RANBP2: variants seen among roughly 807,000 people sequenced by gnomAD.
RANBP2 encodes the protein RAN binding protein 2, also known as E3 SUMO-protein ligase RanBP2.
A neutral mutation model predicts 303.6 loss-of-function variants in RANBP2; 57 were observed. The observed-to-expected ratio is 0.19, with a 90% CI of 0.15 to 0.23. The LOEUF is 0.23. Among genes scored for constraint, RANBP2 ranks in the 10% least tolerant of loss-of-function variants. The pLI, the probability that RANBP2 is intolerant of heterozygous loss-of-function variation, is 1.00. For missense variants in RANBP2, 3,138 were observed against 3,780.8 expected (o/e 0.83, Z 4.46); for synonymous variants, 1,167 against 1,301.5 (o/e 0.90, Z 2.23).
the RANBP2 span, among the ~76,000 whole-genome samples, chr2:109,020,875 G>A: frequency 3.3e-5 from 5 of 152,182 alleles, no homozygotes; most frequent in African/African-American, 9.7e-5. Context: ...TTTGTGGGGG[G>A]CACAAATTTC....
chr2:109,166,908 A>T, the RANBP2 span, among the ~76,000 whole-genome samples: 4 of 152,240 alleles, frequency 2.6e-5, no homozygotes. Context: ...AAAACATGCC[A>T]TTACTGTGTT....
chr2:109,441,763 C>A, the RANBP2 span, among the ~76,000 whole-genome samples: 364 of 152,042 alleles, frequency 2.4e-3, 1 homozygote, highest in African/African-American at 8.2e-3. Flanking sequence ...TCAAACTGTT[C>A]AAAATCTCTC....
the RANBP2 span, among the ~76,000 whole-genome samples, chr2:109,520,158 G>T: frequency 6.6e-6 from 1 of 152,226 alleles, no homozygotes. Flanking sequence ...TTTAGTGAAG[G>T]ATATGTGGGA....
At chr2:109,094,903 T>G in the RANBP2 span, among the ~76,000 whole-genome samples, 10 of 152,216 alleles carry the variant, frequency 6.6e-5, no homozygotes, top group African/African-American at 2.4e-4. Flanking sequence ...ATCAAATATT[T>G]TGTCAGAAAA....
chr2:109,240,735 T>G, the RANBP2 span, among the ~76,000 whole-genome samples: 4 of 152,078 alleles, frequency 2.6e-5, no homozygotes, highest in Non-Finnish European at 2.9e-5. Context: ...CCCTTCTGTT[T>G]CCTTCTGAGC....
At chr2:109,156,267 C>T in the RANBP2 span, among the ~76,000 whole-genome samples, 6,838 of 152,258 alleles carry the variant, frequency 0.045, 497 homozygotes, top group African/African-American at 0.15. Flanking sequence ...GTCCAACCAC[C>T]AGAGATCGAG....
the RANBP2 span, among the ~76,000 whole-genome samples, chr2:109,256,619 T>A: frequency 6.6e-6 from 1 of 152,152 alleles, no homozygotes; most frequent in East Asian, 1.9e-4. Flanking sequence ...GATTTGCCAA[T>A]GGGATTGTGC....
At chr2:108,979,270 A>T in the RANBP2 span, among the ~76,000 whole-genome samples, 1 of 152,188 alleles carries the variant, frequency 6.6e-6, no homozygotes, top group Non-Finnish European at 1.5e-5. Flanking sequence ...TAAAGGTGTC[A>T]TCTGGTTGGA....
chr2:108,793,753 C>T, the RANBP2 span, among the ~76,000 whole-genome samples: 8 of 152,002 alleles, frequency 5.3e-5, no homozygotes, highest in African/African-American at 1.9e-4. Flanking sequence ...CCCGCCATCA[C>T]GCCCGGCTAA....
the RANBP2 span, among the ~76,000 whole-genome samples, chr2:109,271,517 G>A: frequency 2.0e-5 from 3 of 152,234 alleles, no homozygotes; most frequent in African/African-American, 7.2e-5. Context: ...CAACATGACA[G>A]CAGTGAACAG....
the RANBP2 span, among the ~76,000 whole-genome samples, chr2:109,183,554 G>T: frequency 6.6e-6 from 1 of 152,206 alleles, no homozygotes; most frequent in Admixed American, 6.5e-5. Flanking sequence ...GAACATTTGA[G>T]TCTTACCCCA....
the RANBP2 span, among the ~76,000 whole-genome samples, chr2:109,364,042 T>C: frequency 6.6e-6 from 1 of 152,148 alleles, no homozygotes; most frequent in Admixed American, 6.5e-5. Flanking sequence ...TTGTTTCAAA[T>C]ATTCCTTCTG....
At chr2:109,615,709 G>A in the RANBP2 span, 62 of 1,613,570 alleles carry the variant, frequency 3.8e-5, no homozygotes, top group East Asian at 8.9e-5. Context: ...AGCGCCGCGG[G>A]TAGCGGCGGC....
the RANBP2 span, among the ~76,000 whole-genome samples, chr2:109,461,224 C>A: frequency 6.6e-6 from 1 of 152,246 alleles, no homozygotes; most frequent in Non-Finnish European, 1.5e-5. Context: ...TCAGATAACA[C>A]CAGTTCACAG....
the RANBP2 span, among the ~76,000 whole-genome samples, chr2:109,005,713 G>C: frequency 9.9e-5 from 15 of 152,174 alleles, no homozygotes; most frequent in Non-Finnish European, 2.1e-4. Flanking sequence ...GAGGAGCCCA[G>C]CTTCCATCTG....
the RANBP2 span, among the ~76,000 whole-genome samples, chr2:109,353,926 A>G: frequency 6.6e-6 from 1 of 152,062 alleles, no homozygotes; most frequent in Non-Finnish European, 1.5e-5. Flanking sequence ...GAGTTCAGAT[A>G]CGTGAACACG....
At chr2:109,013,404 G>A in the RANBP2 span, among the ~76,000 whole-genome samples, 2 of 152,318 alleles carry the variant, frequency 1.3e-5, no homozygotes, top group African/African-American at 4.8e-5. Context: ...TCACTTTAGA[G>A]GCACATCTGA....
chr2:109,287,003 T>C, the RANBP2 span, among the ~76,000 whole-genome samples: 1 of 152,348 alleles, frequency 6.6e-6, no homozygotes, highest in Admixed American at 6.5e-5. Context: ...GACGTGCAAC[T>C]GTCCCTGTGC....
At chr2:109,105,533 T>G in the RANBP2 span, among the ~76,000 whole-genome samples, 1 of 152,160 alleles carries the variant, frequency 6.6e-6, no homozygotes, top group African/African-American at 2.4e-5. Context: ...TTCCTTTCAT[T>G]CCTGCTCTAA....
Sources: allele counts gnomAD v4.1 joint callset (sites outside exome capture counted in the v4.1 genomes callset), GRCh38; gene constraint gnomAD v4.1.1; transcripts MANE v1.5; gene names NCBI Gene and HGNC (gene_info 2026-07-23, HGNC 2026-07-21).